Variants in DCLK1 observed in about 807,000 individuals in gnomAD.
The protein encoded by DCLK1 is doublecortin like kinase 1.
In DCLK1, 16 loss-of-function variants were observed where a neutral mutation model predicts 86.2. That is an observed-to-expected ratio of 0.19 (90% CI 0.13 to 0.28). The LOEUF (loss-of-function observed/expected upper bound fraction) is 0.28, where lower values mean the gene tolerates loss of function less well. Ranked by LOEUF, DCLK1 falls within the 10% of genes least tolerant of loss-of-function variation. The pLI, the probability that DCLK1 is intolerant of heterozygous loss-of-function variation, is 1.00. For missense variants in DCLK1, 590 were observed against 940.2 expected (o/e 0.63, Z 4.87); for synonymous variants, 369 against 370.5 (o/e 1.00, Z 0.05).
At chr13:35,935,144 A>T (rs1171094) in intron 4 of DCLK1, among the ~76,000 whole-genome samples, 2 of 151,994 alleles carry the variant, frequency 1.3e-5, no homozygotes, top group African/African-American at 4.8e-5. Flanking sequence ...CAGATATTTC[A>T]AAAATAAATA....
intron 16 of DCLK1, among the ~76,000 whole-genome samples, chr13:35,791,845 A>T (rs113086178): frequency 0.011 from 1,643 of 152,348 alleles, 34 homozygotes; most frequent in African/African-American, 0.037. Context: ...CCTTTCATGG[A>T]CAAGCATGCT....
chr13:36,070,927 GAGCCACCGC>G (rs1224365084), intron 3 of DCLK1, among the ~76,000 whole-genome samples: 15 of 152,284 alleles, frequency 9.9e-5, no homozygotes, highest in African/African-American at 3.4e-4. Flanking sequence ...TTACAGGCGT[GAGCCACCGC>G]GCCCGGCCCC....
At chr13:35,786,650 A>AT (rs2086627797) in intron 16 of DCLK1, among the ~76,000 whole-genome samples, 2 of 152,164 alleles carry the variant, frequency 1.3e-5, no homozygotes, top group South Asian at 4.1e-4. Flanking sequence ...CTGGAAGTAT[A>AT]TATTCTTTCA....
intron 16 of DCLK1, among the ~76,000 whole-genome samples, chr13:35,779,132 C>A (rs1382428768): frequency 6.6e-6 from 1 of 152,126 alleles, no homozygotes; most frequent in African/African-American, 2.4e-5. Flanking sequence ...CCCACCACCA[C>A]ACCTGGCTAA....
intron 3 of DCLK1, among the ~76,000 whole-genome samples, chr13:36,043,229 C>T (rs1882755266): frequency 6.6e-6 from 1 of 151,694 alleles, no homozygotes; most frequent in African/African-American, 2.4e-5. Context: ...ATGTTAATTT[C>T]CTCAGAGAGT....
At chr13:35,896,411 G>C (rs569035947) in intron 4 of DCLK1, among the ~76,000 whole-genome samples, 1 of 151,626 alleles carries the variant, frequency 6.6e-6, no homozygotes, top group African/African-American at 2.4e-5. Flanking sequence ...TGGTGCATGC[G>C]CCTGTAATCC....
At chr13:35,971,713 A>C (rs2153139606) in intron 3 of DCLK1, among the ~76,000 whole-genome samples, 1 of 151,976 alleles carries the variant, frequency 6.6e-6, no homozygotes, top group South Asian at 2.1e-4. Flanking sequence ...CAGTGAGCCA[A>C]GATTGTGCCA....
intron 3 of DCLK1, among the ~76,000 whole-genome samples, chr13:36,008,150 T>G (rs1881078406): frequency 9.4e-6 from 1 of 106,826 alleles, no homozygotes; most frequent in Non-Finnish European, 1.9e-5. Context: ...TTTTTTTTTT[T>G]TTTTTTTTGG....
chr13:36,056,518 A>T (rs1254027606), intron 3 of DCLK1, among the ~76,000 whole-genome samples: 165 of 137,704 alleles, frequency 1.2e-3, no homozygotes, highest in African/African-American at 3.9e-3. Context: ...CTAATGCTAG[A>T]TGATGAGTTA....
At chr13:35,797,058 G>A (rs1030695047) in intron 15 of DCLK1, among the ~76,000 whole-genome samples, 10 of 152,138 alleles carry the variant, frequency 6.6e-5, no homozygotes, top group Admixed American at 3.3e-4. Context: ...TATTAGGGCC[G>A]GGACTCTAGG....
intron 4 of DCLK1, among the ~76,000 whole-genome samples, chr13:35,945,791 CA>C (rs1034105310): frequency 1.3e-5 from 2 of 152,010 alleles, no homozygotes; most frequent in African/African-American, 4.8e-5. Context: ...GATATATTTA[CA>C]AAAATCTGTG....
At chr13:35,958,351 T>TAACCACCATCATCATCACCAC in intron 3 of DCLK1, among the ~76,000 whole-genome samples, 1 of 3,442 alleles carries the variant, frequency 2.9e-4, no homozygotes, top group East Asian at 6.2e-3. Context: ...ACCACTACTA[T>TAACCACCATCATCATCACCAC]GACTATCACT....
At position 36,056,507 on chromosome 13, in the gene DCLK1, C is replaced by T. The variant is rs1312975942; in HGVS notation, c.723+55362G>A. ...GGGAGGGATAGCGTTGGGAGATATA[C>T]CTAATGCTAGATGATGAGTTAGTGG... On this transcript the variant is annotated intron_variant, in intron 3 of 16. Transcript: ENST00000360631. Among the ~76,000 whole-genome samples the T allele has an allele frequency of 1.9e-4, 25 of 133,848 alleles. No homozygotes were observed. In the East Asian group the frequency reaches 5.5e-3, roughly 29 times the overall value. The allele number at this position is 133,848 out of a possible 152,430, so 87.8% of individuals were successfully genotyped here.
At chr13:35,835,521 C>T (rs917122086) in intron 8 of DCLK1, among the ~76,000 whole-genome samples, 1 of 152,156 alleles carries the variant, frequency 6.6e-6, no homozygotes, top group Non-Finnish European at 1.5e-5. Context: ...CAGGATAAAC[C>T]CTTCCCTTTG....
intron 15 of DCLK1, among the ~76,000 whole-genome samples, chr13:35,795,796 T>C (rs2086795688): frequency 6.6e-6 from 1 of 151,890 alleles, no homozygotes; most frequent in Non-Finnish European, 1.5e-5. Context: ...GGCGCATGCC[T>C]GTAGTCCCAG....
intron 4 of DCLK1, among the ~76,000 whole-genome samples, chr13:35,894,694 C>A (rs1470354972): frequency 1.3e-5 from 2 of 152,186 alleles, no homozygotes; most frequent in African/African-American, 4.8e-5. Context: ...GCTACACAGA[C>A]ACTTCAGCTC....
At chr13:35,788,187 A>G in intron 16 of DCLK1, 1 of 1,611,456 alleles carries the variant, frequency 6.2e-7, no homozygotes, top group Non-Finnish European at 8.5e-7. Context: ...GGAAACACTG[A>G]CTGTTGAGCT....
At chr13:35,924,543 T>G (rs1435127169) in intron 4 of DCLK1, among the ~76,000 whole-genome samples, 1 of 152,142 alleles carries the variant, frequency 6.6e-6, no homozygotes. Context: ...TCCCAGCTAC[T>G]CAGGAGGCTG....
At position 35,977,741 on chromosome 13, in the gene DCLK1, T is replaced by C. The variant is rs544829086; in HGVS notation, c.724-30284A>G. Among the ~76,000 whole-genome samples, 50 of 152,084 alleles carry C rather than the reference T, an allele frequency of 3.3e-4. No individual in the cohort carries two copies. The South Asian group carries it at 5.6e-3, about 17-fold the overall frequency. The stretch of plus-strand genomic sequence containing the variant: ...TTAGAAAATCCCAGCTCATCAACTC[T>C]GGTCTGCTCTTCAGTACCTAAGAAT... On this transcript the variant is annotated intron_variant, in intron 3 of 16. Transcript: ENST00000360631.
Sources: gnomAD v4.1 joint callset for allele counts (sites outside exome capture counted in the v4.1 genomes callset) on GRCh38, gnomAD v4.1.1 for gene constraint, MANE v1.5 for transcripts, NCBI Gene and HGNC (gene_info 2026-07-23, HGNC 2026-07-21) for gene names.